Variants in ZFHX3 observed in about 807,000 individuals in gnomAD.
ZFHX3 encodes zinc finger homeobox protein 3.
A neutral mutation model predicts 279.1 loss-of-function variants in ZFHX3; 42 were observed. The ratio of observed to expected loss-of-function variants is 0.15; its 90% CI spans 0.12 to 0.19. The LOEUF is 0.19. Ranked by LOEUF, ZFHX3 falls within the 10% of genes least tolerant of loss-of-function variation. ZFHX3 has a pLI of 1.00. For missense variants in ZFHX3, 4,981 were observed against 4,754.0 expected, an observed-to-expected ratio of 1.05 and a Z score of -1.40; for synonymous variants, 2,293 against 1,957.8, an observed-to-expected ratio of 1.17 and a Z score of -4.52.
At chr16:72,857,462 G>A (rs1464314597) in intron 4 of ZFHX3, among the ~76,000 whole-genome samples, 4 of 152,224 alleles carry the variant, frequency 2.6e-5, no homozygotes, top group African/African-American at 9.7e-5. Context: ...TGAGGCAGGA[G>A]GATCACTTGA....
intron 4 of ZFHX3, among the ~76,000 whole-genome samples, chr16:72,884,484 T>A (rs2038573648): frequency 6.6e-6 from 1 of 152,226 alleles, no homozygotes; most frequent in African/African-American, 2.4e-5. Context: ...AGTGATCAGC[T>A]ATGTTCTCCA....
At chr16:72,870,009 T>C (rs1479379011) in intron 4 of ZFHX3, among the ~76,000 whole-genome samples, 2 of 152,110 alleles carry the variant, frequency 1.3e-5, no homozygotes, top group Non-Finnish European at 2.9e-5. Context: ...TAAGGAAGCA[T>C]CACATGAACC....
At chr16:72,889,701 T>G in intron 4 of ZFHX3, 30 bp downstream of exon 4, 1 of 1,604,422 alleles carries the variant, frequency 6.2e-7, no homozygotes, top group Non-Finnish European at 8.5e-7. Context: ...AGGCCCAACC[T>G]GGGCCTCCCA....
chr16:73,211,380 G>A (rs565144704), intron 5 of ZFHX3, among the ~76,000 whole-genome samples: 2 of 152,134 alleles, frequency 1.3e-5, no homozygotes, highest in African/African-American at 4.8e-5. Context: ...GAGGTTATAT[G>A]CTTAGTTTTG....
chr16:73,083,044 A>T (rs1314475389), intron 8 of ZFHX3, among the ~76,000 whole-genome samples: 2 of 148,120 alleles, frequency 1.4e-5, no homozygotes, highest in Non-Finnish European at 3.0e-5. Flanking sequence ...AAAAAAAAAA[A>T]ATACAAAAAT....
At chr16:73,482,463 C>T (rs1324394189) in intron 2 of ZFHX3, among the ~76,000 whole-genome samples, 1 of 152,156 alleles carries the variant, frequency 6.6e-6, no homozygotes, top group East Asian at 1.9e-4. Flanking sequence ...TCACCCACTC[C>T]CTGCTAGAGG....
chr16:73,366,648 G>T (rs2016536381), intron 3 of ZFHX3, among the ~76,000 whole-genome samples: 1 of 151,450 alleles, frequency 6.6e-6, no homozygotes, highest in African/African-American at 2.4e-5. Flanking sequence ...ATGGAGCAAT[G>T]GTTCCAGAGT....
chr16:73,281,052 G>GAGGGT, intron 4 of ZFHX3, among the ~76,000 whole-genome samples: 1 of 134,626 alleles, frequency 7.4e-6, no homozygotes, highest in African/African-American at 2.7e-5. Context: ...GAGGGGAGGG[G>GAGGGT]AGGGGAGGAG....
At chr16:73,095,336 C>T (rs1366147166) in intron 7 of ZFHX3, among the ~76,000 whole-genome samples, 1 of 152,148 alleles carries the variant, frequency 6.6e-6, no homozygotes, top group African/African-American at 2.4e-5. Context: ...CACTGCCAGC[C>T]CCCATCTTAG....
chr16:73,048,479 C>T (rs895793844), upstream of ZFHX3: 1 of 152,164 alleles, frequency 6.6e-6, no homozygotes, highest in African/African-American at 2.4e-5. Flanking sequence ...GCCGCTCGGC[C>T]TGCGCCGCCC....
At chr16:72,955,040 A>G (rs1364802763) in intron 2 of ZFHX3, among the ~76,000 whole-genome samples, 3 of 152,344 alleles carry the variant, frequency 2.0e-5, no homozygotes, top group South Asian at 2.1e-4. Context: ...TTTTATTTGC[A>G]TAAGTTGGTT....
intron 4 of ZFHX3, among the ~76,000 whole-genome samples, chr16:73,260,689 T>G (rs2013796605): frequency 9.5e-6 from 1 of 105,306 alleles, no homozygotes; most frequent in East Asian, 2.4e-4. Flanking sequence ...GGTTTTTTTT[T>G]TTTTTTTTTT....
chr16:73,467,927 C>G (rs2018600862), intron 2 of ZFHX3, among the ~76,000 whole-genome samples: 1 of 152,140 alleles, frequency 6.6e-6, no homozygotes. Flanking sequence ...AAGCTATGAA[C>G]CCAGCCTGTG....
chr16:73,724,322 T>C (rs1034475541), intron 1 of ZFHX3, among the ~76,000 whole-genome samples: 1 of 152,222 alleles, frequency 6.6e-6, no homozygotes, highest in African/African-American at 2.4e-5. Flanking sequence ...TTTCTACTGA[T>C]ACACATTTTA....
intron 3 of ZFHX3, among the ~76,000 whole-genome samples, chr16:73,329,095 A>T (rs2015748872): frequency 1.3e-5 from 2 of 152,350 alleles, no homozygotes; most frequent in South Asian, 4.1e-4. Flanking sequence ...CCTCATTGGT[A>T]GTTTGCAAGC....
At chr16:73,401,687 A>T (rs899468231) in intron 3 of ZFHX3, 2 of 152,182 alleles carry the variant, frequency 1.3e-5, no homozygotes, top group African/African-American at 4.8e-5. Flanking sequence ...GTGCTTTATA[A>T]AAACTGGAAA....
intron 7 of ZFHX3, among the ~76,000 whole-genome samples, chr16:73,112,931 G>T (rs1043302989): frequency 1.3e-5 from 2 of 151,954 alleles, no homozygotes; most frequent in Non-Finnish European, 2.9e-5. Context: ...GAGTTATCCT[G>T]CACACTTTGG....
At chr16:73,215,872 C>T (rs911378128) in intron 5 of ZFHX3, among the ~76,000 whole-genome samples, 37 of 151,848 alleles carry the variant, frequency 2.4e-4, no homozygotes, top group Admixed American at 2.2e-3. Context: ...TGTGTGTGTG[C>T]ATGGACGTGT....
At chr16:73,501,074 A>G (rs372917751) in intron 2 of ZFHX3, among the ~76,000 whole-genome samples, 81 of 152,344 alleles carry the variant, frequency 5.3e-4, no homozygotes, top group Non-Finnish European at 5.6e-4. Flanking sequence ...TATTTTGTAT[A>G]TACCTTTTCT....
Sources: allele counts gnomAD v4.1 joint callset (sites outside exome capture counted in the v4.1 genomes callset), GRCh38; gene constraint gnomAD v4.1.1; transcripts MANE v1.5; gene names NCBI Gene and HGNC (gene_info 2026-07-23, HGNC 2026-07-21).